Variants in ESR2 observed in about 807,000 individuals in gnomAD.
ESR2 encodes the protein estrogen receptor 2, also known as estrogen receptor beta.
A neutral mutation model predicts 49.6 loss-of-function variants in ESR2; 36 were observed. The observed-to-expected ratio is 0.73, with a 90% CI of 0.56 to 0.96. The LOEUF (loss-of-function observed/expected upper bound fraction) is 0.96. ESR2 is among the 40% of genes least tolerant of loss of function. The pLI is 0.00. For synonymous variants in ESR2, 320 were observed against 266.1 expected (o/e 1.20, Z -1.97); for missense variants, 714 against 693.0 (o/e 1.03, Z -0.34).
intron 1 of ESR2, among the ~76,000 whole-genome samples, chr14:64,304,461 G>T (rs920267232): frequency 2.0e-5 from 3 of 152,206 alleles, no homozygotes; most frequent in African/African-American, 4.8e-5. Flanking sequence ...CAAGGCAAAA[G>T]TTGCAGCTGC....
chr14:64,331,840 A>AG (rs1189826279), intron 1 of ESR2, among the ~76,000 whole-genome samples: 2 of 150,860 alleles, frequency 1.3e-5, no homozygotes, highest in Non-Finnish European at 2.9e-5. Context: ...AAAAAAAAAA[A>AG]AAAAGAATCC....
At chr14:64,315,345 A>C (rs967044960) in intron 1 of ESR2, among the ~76,000 whole-genome samples, 1 of 152,156 alleles carries the variant, frequency 6.6e-6, no homozygotes, top group African/African-American at 2.4e-5. Flanking sequence ...TGTCTAAAAA[A>C]TAATAAGGAA....
At chr14:64,311,035 A>G (rs1596482906) in intron 1 of ESR2, among the ~76,000 whole-genome samples, 1 of 152,114 alleles carries the variant, frequency 6.6e-6, no homozygotes. Flanking sequence ...CCATTTTATC[A>G]TATTAGATTT....
chr14:64,331,506 A>T (rs2140907265), intron 1 of ESR2, among the ~76,000 whole-genome samples: 1 of 152,290 alleles, frequency 6.6e-6, no homozygotes, highest in African/African-American at 2.4e-5. Flanking sequence ...GGATAGAAAA[A>T]GGGCTGGGAA....
Position 64,234,519 on chromosome 14 carries a change from G to A in ESR2, c.1406+451C>T, listed in dbSNP as rs1471240946. The stretch of plus-strand genomic sequence containing the variant: ...TAAGTCTTATCCTTAATTTCCTGAT[G>A]CCACCGAAAGAACAACTCTTAGGGA... On this transcript the variant is annotated intron_variant, in intron 8 of 8. Transcript: ENST00000341099. The A allele has an allele frequency of 2.2e-5, 4 of 182,560 alleles. No individual in the cohort carries two copies. In the East Asian group the frequency reaches 4.2e-4, roughly 19 times the overall value. The allele number at this position is 182,560 out of a possible 1,614,324, so 11.3% of individuals were successfully genotyped here.
upstream of ESR2, among the ~76,000 whole-genome samples, chr14:64,295,115 C>A (rs1031771420): frequency 6.6e-6 from 1 of 152,234 alleles, no homozygotes; most frequent in Non-Finnish European, 1.5e-5. Flanking sequence ...GAGACTAGGA[C>A]CACAGTCTTA....
intron 1 of ESR2, 103 bp downstream of exon 1, chr14:64,293,930 C>T (rs901841369): frequency 5.3e-5 from 8 of 152,230 alleles, no homozygotes; most frequent in African/African-American, 1.9e-4. Flanking sequence ...TTTTGGTGAT[C>T]GTTTTTTGGT....
chr14:64,304,902 T>A (rs2077070038), intron 1 of ESR2, among the ~76,000 whole-genome samples: 1 of 151,572 alleles, frequency 6.6e-6, no homozygotes. Context: ...AATAAATAAA[T>A]AAATAAAGTA....
At chr14:64,262,675 C>A (rs1026310936) in intron 4 of ESR2, among the ~76,000 whole-genome samples, 5 of 133,850 alleles carry the variant, frequency 3.7e-5, no homozygotes, top group Non-Finnish European at 8.1e-5. Context: ...GCGGGTGGGG[C>A]GGGAGGGGAC....
chr14:64,261,232 C>CT (rs374264697), intron 4 of ESR2, among the ~76,000 whole-genome samples: 8,517 of 87,636 alleles, frequency 0.097, 1,204 homozygotes, highest in African/African-American at 0.19. Context: ...TTTTATTTTT[C>CT]TTTTTTCTTT....
intron 7 of ESR2, among the ~76,000 whole-genome samples, chr14:64,247,835 T>G (rs1356828204): frequency 6.6e-6 from 1 of 152,176 alleles, no homozygotes; most frequent in East Asian, 1.9e-4. Flanking sequence ...ATGTTTATAA[T>G]GGTTAAAAAG....
intron 3 of ESR2, among the ~76,000 whole-genome samples, chr14:64,277,375 C>T (rs1303287614): frequency 5.9e-5 from 9 of 151,970 alleles, no homozygotes; most frequent in Non-Finnish European, 1.3e-4. Flanking sequence ...CCTGTAATCC[C>T]AGCACTTTGG....
chr14:64,268,742 G>A, intron 4 of ESR2, 53 bp downstream of exon 4: 3 of 1,038,624 alleles, frequency 2.9e-6, no homozygotes, highest in East Asian at 2.4e-5. Flanking sequence ...TTCCTCAGAG[G>A]ACAGGGCTTT....
chr14:64,228,168 T>A, downstream of ESR2: 1 of 762,454 alleles, frequency 1.3e-6, no homozygotes, highest in Non-Finnish European at 1.9e-6. Flanking sequence ...AGCATTTGTG[T>A]TCAGGTGCCC....
At chr14:64,322,720 A>G (rs1194305866) in intron 1 of ESR2, among the ~76,000 whole-genome samples, 1 of 152,186 alleles carries the variant, frequency 6.6e-6, no homozygotes, top group Non-Finnish European at 1.5e-5. Flanking sequence ...GCAAATAGTA[A>G]TCTGACAATG....
intron 1 of ESR2, among the ~76,000 whole-genome samples, chr14:64,311,014 G>A (rs1055365302): frequency 5.3e-5 from 8 of 151,748 alleles, no homozygotes; most frequent in South Asian, 2.1e-4. Flanking sequence ...ATCCTTCCCC[G>A]CAAAATGGAG....
Position 64,249,725 on chromosome 14 carries a change from C to A in ESR2, c.1092-46G>T, listed in dbSNP as rs1451507801. 12 of 1,557,472 alleles carry A rather than the reference C, an allele frequency of 7.7e-6. No homozygotes were observed. The Admixed American group carries it at 1.2e-4, about 16-fold the overall frequency. ...ATTTAAGGAACATAGCTTCAGGAAACCATCAAAAAAACAATAAGGAATGTT... is the reference window on the plus strand; with the variant it reads ...ATTTAAGGAACATAGCTTCAGGAAAACATCAAAAAAACAATAAGGAATGTT... On this transcript the variant is annotated intron_variant, in intron 6 of 8. Coordinates refer to ENST00000341099, the MANE Select transcript of ESR2 (RefSeq NM_001437.3).
chr14:64,251,164 G>A (rs1447827945), intron 6 of ESR2, among the ~76,000 whole-genome samples: 1 of 151,952 alleles, frequency 6.6e-6, no homozygotes, highest in Non-Finnish European at 1.5e-5. Flanking sequence ...ATCCAGTAAG[G>A]ACAACACAAG....
chr14:64,273,836 C>T (rs888846305), intron 3 of ESR2, among the ~76,000 whole-genome samples: 36 of 151,676 alleles, frequency 2.4e-4, no homozygotes, highest in African/African-American at 8.7e-4. Context: ...TCCTCCTTCT[C>T]TATTTTTCAG....
Sources: allele counts gnomAD v4.1 joint callset (sites outside exome capture counted in the v4.1 genomes callset), GRCh38; gene constraint gnomAD v4.1.1; transcripts MANE v1.5; gene names NCBI Gene and HGNC (gene_info 2026-07-23, HGNC 2026-07-21).